The following TRAF3IP1 variants were observed in gnomAD, a reference collection of about 807,000 sequenced individuals.
The protein encoded by TRAF3IP1 is TRAF3-interacting protein 1.
Under a neutral mutation model 89.9 loss-of-function variants are expected in TRAF3IP1, and 53 were observed. The observed-to-expected ratio is 0.59, with a 90% CI of 0.47 to 0.74. TRAF3IP1 has a LOEUF of 0.74. Ranked by LOEUF, TRAF3IP1 falls within the 30% of genes least tolerant of loss-of-function variation. The probability of loss-of-function intolerance (pLI) is 0.00; values close to 1 mark genes in which losing one functional copy is unlikely to be tolerated. For missense variants in TRAF3IP1, 806 were observed against 866.1 expected, an observed-to-expected ratio of 0.93 and a Z score of 0.87; for synonymous variants, 311 against 322.1, an observed-to-expected ratio of 0.97 and a Z score of 0.37.
At chr2:238,332,527 G>A (rs779188668) in intron 5 of TRAF3IP1, among the ~76,000 whole-genome samples, 1 of 152,102 alleles carries the variant, frequency 6.6e-6, no homozygotes, top group Non-Finnish European at 1.5e-5. Context: ...CAGGAAGTTC[G>A]GTGTGGCGTA....
At position 238,345,273 on chromosome 2, in the gene TRAF3IP1, A is replaced by G. The variant is rs961450111; in HGVS notation, c.1261+675A>G. Among the ~76,000 whole-genome samples the G allele has an allele frequency of 6.6e-6, 1 of 152,256 alleles. No homozygotes were observed. Among genetic ancestry groups the G allele is most frequent in the South Asian group, 2.1e-4 (1 of 4,836 alleles). On this transcript the variant is annotated intron_variant, in intron 9 of 16. Transcript: ENST00000373327. This position sits in a 1 kb window ranked among gnomAD's most constrained non-coding sequence, Gnocchi z 4.7. ...CCCTGAGGCTGGGAGCGCATGAGCC[A>G]GTGAAGTCAGGCTGGCCTCCTGCCT...
chr2:238,373,564 C>T (rs1160586546), intron 15 of TRAF3IP1, among the ~76,000 whole-genome samples: 5 of 152,104 alleles, frequency 3.3e-5, no homozygotes, highest in African/African-American at 7.2e-5. Flanking sequence ...AGTCAGGTAG[C>T]GTGATGCCTC....
chr2:238,361,938 C>A (rs1040341384), intron 15 of TRAF3IP1, among the ~76,000 whole-genome samples: 3 of 152,216 alleles, frequency 2.0e-5, no homozygotes, highest in Non-Finnish European at 2.9e-5. Flanking sequence ...CTACCTCTTC[C>A]CACTCTCTCC....
chr2:238,363,736 C>T (rs902412321), intron 15 of TRAF3IP1, among the ~76,000 whole-genome samples: 8 of 152,128 alleles, frequency 5.3e-5, no homozygotes, highest in African/African-American at 1.4e-4. Flanking sequence ...CCAAGGTGGG[C>T]GGATCACGAG....
At chr2:238,335,746 C>G (rs558817398) in intron 7 of TRAF3IP1, among the ~76,000 whole-genome samples, 1 of 148,856 alleles carries the variant, frequency 6.7e-6, no homozygotes, top group Non-Finnish European at 1.5e-5. Context: ...AGTGGTTGCT[C>G]GCTGGTTTAT....
intron 15 of TRAF3IP1, among the ~76,000 whole-genome samples, chr2:238,389,748 A>AAATAATAAT (rs71905391): frequency 0.011 from 1,662 of 146,326 alleles, 18 homozygotes; most frequent in African/African-American, 0.031. Context: ...ACTCCATCTC[A>AAATAATAAT]AATAATAATA....
In TRAF3IP1 at chr2:238,338,640, T is replaced by C. The variant is rs561622901; in HGVS notation, c.1159+183T>C. Among the ~76,000 whole-genome samples the C allele has an allele frequency of 3.9e-5, 6 of 152,380 alleles. 1 individual carries two copies. In the East Asian group the frequency reaches 5.8e-4, roughly 15 times the overall value. The stretch of plus-strand genomic sequence containing the variant: ...TTATTTGCTTTAATATGCTAAGTTA[T>C]GTAACTTTATTAACTCAGCTTTTAG... On this transcript the variant is annotated intron_variant, in intron 8 of 16. Coordinates refer to ENST00000373327, the MANE Select transcript of TRAF3IP1 (RefSeq NM_015650.4).
At position 238,329,190 on chromosome 2, in the gene TRAF3IP1, G is replaced by C. The variant is rs995140471; in HGVS notation, c.763G>C (p.Gly255Arg). ...RKKETERKSE[G>R]GKEKERLRDR... is the part of the protein sequence containing the mutation. ...GAAGGAGACAGAGAGAAAGAGTGAG[G>C]GGGGGAAAGAGAAGGAGAGACTGAG... is the stretch of plus-strand genomic sequence containing the variant. The change falls in exon 5 of 17, where the codon GGG becomes CGG. Residue 255 changes from glycine to arginine, a missense_variant. Gly to Arg is a moderately radical substitution (Grantham distance 125). This residue lies in a region of TRAF3IP1 where 732 missense variants were observed against 780.5 expected (regional missense o/e 0.94). Transcript: ENST00000373327. 8.9e-6 allele frequency: 14 copies of C among 1,567,926 alleles called. No individual in the cohort carries two copies. The highest frequency in any genetic ancestry group is 5.5e-5 in the African/African-American group (4 of 72,858).
intron 15 of TRAF3IP1, among the ~76,000 whole-genome samples, chr2:238,357,886 T>C (rs2106333737): frequency 6.6e-6 from 1 of 152,284 alleles, no homozygotes; most frequent in Middle Eastern, 3.4e-3. Flanking sequence ...AGTAAATTAT[T>C]TCAGATTGGT....
chr2:238,372,949 C>G (rs181562813), intron 15 of TRAF3IP1, among the ~76,000 whole-genome samples: 1 of 152,168 alleles, frequency 6.6e-6, no homozygotes, highest in African/African-American at 2.4e-5. Flanking sequence ...AGTGTCTGTT[C>G]ATATCCTTTG....
chr2:238,347,334 T>G, intron 9 of TRAF3IP1, 121 bp from the exon 10 acceptor site: 1 of 1,035,130 alleles, frequency 9.7e-7, no homozygotes, highest in Non-Finnish European at 1.5e-6. Context: ...AAATGATCTT[T>G]TTTTCTTAGC....
intron 5 of TRAF3IP1, among the ~76,000 whole-genome samples, chr2:238,330,451 A>G (rs1698065490): frequency 6.6e-6 from 1 of 152,222 alleles, no homozygotes; most frequent in Admixed American, 6.5e-5. Context: ...CATCCCGCGA[A>G]GATGTTGGAA....
intron 15 of TRAF3IP1, among the ~76,000 whole-genome samples, chr2:238,384,812 G>A (rs922738562): frequency 2.0e-5 from 3 of 152,044 alleles, no homozygotes; most frequent in African/African-American, 7.2e-5. Context: ...TTTTCCTAAA[G>A]CATGTATTTT....
chr2:238,361,483 C>G (rs72980201), intron 15 of TRAF3IP1, among the ~76,000 whole-genome samples: 1 of 151,858 alleles, frequency 6.6e-6, no homozygotes, highest in Non-Finnish European at 1.5e-5. Context: ...TAAAGGTAGT[C>G]TCTAGTTTAG....
rs1200733981 is a variant in TRAF3IP1 at position 238,329,118 on chromosome 2, C to A, written c.691C>A (p.Gln231Lys). The A allele has an allele frequency of 3.2e-6, 5 of 1,550,028 alleles. No homozygotes were observed. Among genetic ancestry groups the A allele is most frequent in the Non-Finnish European group, 4.4e-6 (5 of 1,146,912 alleles). The change falls in exon 5 of 17, where the codon CAG (glutamine) becomes AAG (lysine). Residue 231 changes from glutamine to lysine, a missense_variant. Around this residue, in one of 3 missense-constraint regions of TRAF3IP1, gnomAD observed 732 missense variants for 780.5 expected, o/e 0.94. Transcript: ENST00000373327. ...KARARPDNER[Q>K]KDRGNRERDR... ...CCGGGCCAGGCCAGACAACGAGCGA[C>A]AGAAAGACAGAGGCAACAGGGAGCG...
intron 15 of TRAF3IP1, among the ~76,000 whole-genome samples, chr2:238,369,875 G>A (rs555709428): frequency 6.6e-6 from 1 of 152,322 alleles, no homozygotes; most frequent in Admixed American, 6.5e-5. Flanking sequence ...TCTGTGGGCT[G>A]TAATCTCTTA....
intron 1 of TRAF3IP1, among the ~76,000 whole-genome samples, chr2:238,323,556 T>C (rs1697667317): frequency 6.6e-6 from 1 of 152,218 alleles, no homozygotes; most frequent in African/African-American, 2.4e-5. Flanking sequence ...GATTCATTAA[T>C]ACCTAACTTG....
intron 15 of TRAF3IP1, among the ~76,000 whole-genome samples, chr2:238,368,009 A>T (rs1163591913): frequency 6.9e-6 from 1 of 145,164 alleles, no homozygotes; most frequent in Non-Finnish European, 1.6e-5. Flanking sequence ...GTGTTTTTAA[A>T]AAGTGTTAGT....
At chr2:238,374,384 A>G (rs769962201) in intron 15 of TRAF3IP1, among the ~76,000 whole-genome samples, 4 of 152,280 alleles carry the variant, frequency 2.6e-5, no homozygotes, top group Middle Eastern at 6.8e-3. Flanking sequence ...ATTTATTGAG[A>G]TAATCGTGGT....
Sources: allele counts gnomAD v4.1 joint callset (sites outside exome capture counted in the v4.1 genomes callset), GRCh38; gene constraint gnomAD v4.1.1; regional missense constraint gnomAD v4.1.1; non-coding constraint Gnocchi (gnomAD v3.1); transcripts MANE v1.5; gene names NCBI Gene and HGNC (gene_info 2026-07-23, HGNC 2026-07-21).